ESR1: variants seen among roughly 807,000 people sequenced by gnomAD.
The protein encoded by ESR1 is estrogen receptor 1.
In ESR1, 12 loss-of-function variants were observed where a neutral mutation model predicts 52.7. The ratio of observed to expected loss-of-function variants is 0.23; its 90% CI spans 0.15 to 0.37. The LOEUF (loss-of-function observed/expected upper bound fraction) is 0.37. Ranked by LOEUF, ESR1 falls within the 10% of genes least tolerant of loss-of-function variation. ESR1 has a pLI of 1.00. For missense variants in ESR1, 584 were observed against 779.7 expected (o/e 0.75, Z 2.99); for synonymous variants, 305 against 316.8 (o/e 0.96, Z 0.39).
chr6:152,018,469 G>A (rs777394790), intron 5 of ESR1, among the ~76,000 whole-genome samples: 31 of 151,154 alleles, frequency 2.1e-4, no homozygotes, highest in Middle Eastern at 6.9e-3. Flanking sequence ...ATTCATCCAC[G>A]TGTGTTTTTG....
At chr6:151,945,837 T>C (rs1387107899) in intron 4 of ESR1, among the ~76,000 whole-genome samples, 1 of 152,220 alleles carries the variant, frequency 6.6e-6, no homozygotes, top group African/African-American at 2.4e-5. Flanking sequence ...CATCTATCAG[T>C]ATATAAACAT....
At chr6:151,719,668 A>C (rs1322406530) in intron 2 of ESR1, among the ~76,000 whole-genome samples, 1 of 152,234 alleles carries the variant, frequency 6.6e-6, no homozygotes, top group Admixed American at 6.5e-5. Context: ...AAGTGTTTTC[A>C]TACTATCTCT....
At chr6:152,027,291 T>C (rs1356546863) in intron 5 of ESR1, among the ~76,000 whole-genome samples, 1 of 152,030 alleles carries the variant, frequency 6.6e-6, no homozygotes, top group Non-Finnish European at 1.5e-5. Context: ...TTACTTATAT[T>C]TTTCTACATT....
At chr6:151,993,011 G>A (rs2041164919) in intron 4 of ESR1, among the ~76,000 whole-genome samples, 1 of 152,058 alleles carries the variant, frequency 6.6e-6, no homozygotes, top group Non-Finnish European at 1.5e-5. Flanking sequence ...TGGGGGAGAT[G>A]GGGGAGTCTC....
At chr6:151,664,413 T>C (rs1321127604) in intron 1 of ESR1, among the ~76,000 whole-genome samples, 2 of 152,146 alleles carry the variant, frequency 1.3e-5, no homozygotes, top group Non-Finnish European at 2.9e-5. Flanking sequence ...AAAACTATCA[T>C]GGAAGAAATA....
chr6:151,788,881 T>G (rs1397795867), intron 2 of ESR1, among the ~76,000 whole-genome samples: 1 of 152,138 alleles, frequency 6.6e-6, no homozygotes, highest in Non-Finnish European at 1.5e-5. Flanking sequence ...ATGTTCTCAC[T>G]TGTAAGTGGG....
intron 1 of ESR1, among the ~76,000 whole-genome samples, chr6:151,693,442 T>TCTTC (rs11472398): frequency 0.44 from 67,082 of 151,664 alleles, 15,302 homozygotes; most frequent in African/African-American, 0.5. Context: ...CCTCCATCAT[T>TCTTC]CTTCCATCAT....
At chr6:151,737,473 G>GA (rs1782764650) in intron 2 of ESR1, among the ~76,000 whole-genome samples, 1 of 152,122 alleles carries the variant, frequency 6.6e-6, no homozygotes, top group Admixed American at 6.5e-5. Flanking sequence ...CAAAACAAAA[G>GA]AAAAAGTTTC....
At chr6:151,788,583 C>G (rs898912678) in intron 2 of ESR1, among the ~76,000 whole-genome samples, 7 of 152,110 alleles carry the variant, frequency 4.6e-5, no homozygotes, top group African/African-American at 1.7e-4. Flanking sequence ...ACCATTCAAC[C>G]TAGCAATTCC....
At chr6:151,686,435 C>T (rs983469008), upstream of ESR1, among the ~76,000 whole-genome samples, 1 of 152,156 alleles carries the variant, frequency 6.6e-6, no homozygotes, top group Non-Finnish European at 1.5e-5. Context: ...CCTGTAATCC[C>T]AGCATTTTGG....
At chr6:151,773,472 T>A (rs1785685095) in intron 2 of ESR1, among the ~76,000 whole-genome samples, 1 of 152,234 alleles carries the variant, frequency 6.6e-6, no homozygotes, top group African/African-American at 2.4e-5. Context: ...TGAGGCCTTG[T>A]CACAATCTTC....
upstream of ESR1, among the ~76,000 whole-genome samples, chr6:151,802,210 A>C (rs1310290145): frequency 6.6e-6 from 1 of 152,228 alleles, no homozygotes; most frequent in Non-Finnish European, 1.5e-5. Context: ...GCTAATCAAA[A>C]ACCCTTAAAA....
intron 6 of ESR1, among the ~76,000 whole-genome samples, chr6:152,076,600 G>C (rs1358555063): frequency 6.6e-6 from 1 of 152,180 alleles, no homozygotes. Flanking sequence ...AAACTTCCTA[G>C]AGACTTGTTG....
intron 2 of ESR1, among the ~76,000 whole-genome samples, chr6:151,764,485 G>C (rs1461777987): frequency 6.6e-6 from 1 of 152,092 alleles, no homozygotes; most frequent in Non-Finnish European, 1.5e-5. Context: ...TTGTCAGGAC[G>C]GCCAGTGGGG....
At chr6:151,787,290 T>C (rs955624239) in intron 2 of ESR1, among the ~76,000 whole-genome samples, 1 of 152,208 alleles carries the variant, frequency 6.6e-6, no homozygotes, top group Non-Finnish European at 1.5e-5. Flanking sequence ...GCTTCCAGCT[T>C]TGTTCTTTTT....
At chr6:151,682,346 G>A (rs542136406) in intron 1 of ESR1, among the ~76,000 whole-genome samples, 1 of 152,156 alleles carries the variant, frequency 6.6e-6, no homozygotes, top group Non-Finnish European at 1.5e-5. Context: ...GTTTTTTTTG[G>A]TATAAAGGGA....
intron 6 of ESR1, among the ~76,000 whole-genome samples, chr6:152,067,847 A>G (rs1463481240): frequency 6.6e-6 from 1 of 152,192 alleles, no homozygotes; most frequent in African/African-American, 2.4e-5. Flanking sequence ...TTAAAACAAA[A>G]GGAAAAAATG....
chr6:151,789,750 T>A (rs1443220499), intron 2 of ESR1, among the ~76,000 whole-genome samples: 1 of 152,212 alleles, frequency 6.6e-6, no homozygotes, highest in Non-Finnish European at 1.5e-5. Context: ...TTTCATTTCA[T>A]CTCACAACTC....
At chr6:152,064,307 G>A (rs939856826) in intron 6 of ESR1, among the ~76,000 whole-genome samples, 8 of 152,234 alleles carry the variant, frequency 5.3e-5, no homozygotes, top group African/African-American at 1.4e-4. Context: ...AGCTGGAGCT[G>A]CAAAGGGGGC....
Sources: gnomAD v4.1 joint callset for allele counts (sites outside exome capture counted in the v4.1 genomes callset) on GRCh38, gnomAD v4.1.1 for gene constraint, MANE v1.5 for transcripts, NCBI Gene and HGNC (gene_info 2026-07-23, HGNC 2026-07-21) for gene names.